Variants in DCC observed in about 807,000 individuals in gnomAD.
DCC encodes DCC netrin 1 receptor.
A neutral mutation model predicts 172.5 loss-of-function variants in DCC; 58 were observed. The ratio of observed to expected loss-of-function variants is 0.34; its 90% confidence interval spans 0.27 to 0.42. The LOEUF is 0.42. Ranked by LOEUF, DCC falls within the 10% of genes least tolerant of loss-of-function variation. DCC has a pLI of 1.00. For missense variants in DCC, 1,740 were observed against 1,791.0 expected, an observed-to-expected ratio of 0.97 and a Z score of 0.51; for synonymous variants, 709 against 644.5, an observed-to-expected ratio of 1.10 and a Z score of -1.52.
chr18:53,061,359 T>G (rs903404738), intron 5 of DCC, among the ~76,000 whole-genome samples: 1 of 152,130 alleles, frequency 6.6e-6, no homozygotes, highest in African/African-American at 2.4e-5. Context: ...TGTGTTTGTA[T>G]ACATACGTAA....
At chr18:53,235,773 T>C (rs2056193171) in intron 12 of DCC, among the ~76,000 whole-genome samples, 1 of 152,140 alleles carries the variant, frequency 6.6e-6, no homozygotes. Flanking sequence ...TAACAATACA[T>C]CGCCGTTCCC....
intron 5 of DCC, among the ~76,000 whole-genome samples, chr18:53,033,721 G>T (rs1180089097): frequency 6.6e-6 from 1 of 152,000 alleles, no homozygotes; most frequent in Non-Finnish European, 1.5e-5. Flanking sequence ...TATCTTAAAA[G>T]AATGCACTTT....
intron 24 of DCC, among the ~76,000 whole-genome samples, chr18:53,464,796 C>A (rs1219713766): frequency 6.6e-6 from 1 of 151,432 alleles, no homozygotes; most frequent in Non-Finnish European, 1.5e-5. Flanking sequence ...GCCTGACCAA[C>A]ATGGAGAAAC....
intron 7 of DCC, among the ~76,000 whole-genome samples, chr18:53,087,954 T>A (rs2042940484): frequency 6.6e-6 from 1 of 152,114 alleles, no homozygotes; most frequent in South Asian, 2.1e-4. Context: ...TCTGTTCCAT[T>A]GATCTATATC....
At chr18:53,282,488 C>G (rs567039539) in intron 12 of DCC, among the ~76,000 whole-genome samples, 1 of 152,082 alleles carries the variant, frequency 6.6e-6, no homozygotes, top group African/African-American at 2.4e-5. Flanking sequence ...ATAATTCATA[C>G]GCAAAGAACC....
chr18:53,370,086 G>C (rs2058044740), intron 15 of DCC, among the ~76,000 whole-genome samples: 1 of 151,592 alleles, frequency 6.6e-6, no homozygotes, highest in Non-Finnish European at 1.5e-5. Context: ...ATGAGGTCCT[G>C]GACTTTTACT....
At chr18:53,279,852 T>C (rs2056850591) in intron 12 of DCC, among the ~76,000 whole-genome samples, 1 of 151,984 alleles carries the variant, frequency 6.6e-6, no homozygotes, top group Admixed American at 6.6e-5. Context: ...CCAAATACTG[T>C]ATATCCTCAC....
chr18:53,272,703 A>G (rs976747861), intron 12 of DCC, among the ~76,000 whole-genome samples: 1 of 152,120 alleles, frequency 6.6e-6, no homozygotes, highest in African/African-American at 2.4e-5. Flanking sequence ...GTAATTTCGT[A>G]TATTTTTCAA....
Position 53,322,098 on chromosome 18 carries a change from A to G in DCC, c.2105A>G (p.Asn702Ser), listed in dbSNP as rs35691189. The G allele has an allele frequency of 4.0e-3, 6,469 of 1,610,312 alleles. 23 individuals are homozygous for G. Among genetic ancestry groups the G allele is most frequent in the Non-Finnish European group, 5.0e-3 (5,941 of 1,176,470 alleles). ...TTCCAGGTGTCAGCCATGACAGTCA[A>G]TGGTACTGGACCACCTTCCAACTGG... ...YSFQVSAMTVNGTGPPSNWYT... is the reference protein window; with the variant it reads ...YSFQVSAMTVSGTGPPSNWYT... Residue 702 changes from asparagine to serine, a missense_variant, in exon 14 of 29, where the codon AAT becomes AGT. Asn to Ser is a conservative substitution (Grantham distance 46). Transcript: ENST00000442544.
intron 2 of DCC, among the ~76,000 whole-genome samples, chr18:52,791,357 C>T (rs553172125): frequency 1.1e-4 from 16 of 152,182 alleles, no homozygotes; most frequent in Non-Finnish European, 2.4e-4. Flanking sequence ...GAAGATGATA[C>T]CCATCTAGAA....
At chr18:52,973,035 C>T (rs755849480) in intron 5 of DCC, among the ~76,000 whole-genome samples, 13 of 152,250 alleles carry the variant, frequency 8.5e-5, no homozygotes, top group Middle Eastern at 6.8e-3. Context: ...ATTCATGTTT[C>T]GACAGACCAC....
intron 1 of DCC, among the ~76,000 whole-genome samples, chr18:52,751,368 C>T (rs1469740279): frequency 2.6e-5 from 4 of 152,084 alleles, no homozygotes; most frequent in Non-Finnish European, 5.9e-5. Flanking sequence ...TTGGTTGATT[C>T]TTTATGTTCA....
intron 7 of DCC, among the ~76,000 whole-genome samples, chr18:53,136,139 G>GTGTGTGTA (rs1290316628): frequency 5.9e-4 from 89 of 151,880 alleles, no homozygotes; most frequent in African/African-American, 2.0e-3. Context: ...AATTGGATGT[G>GTGTGTGTA]TGTGTGTATG....
At chr18:53,493,232 G>A (rs867604467) in intron 26 of DCC, among the ~76,000 whole-genome samples, 5 of 152,302 alleles carry the variant, frequency 3.3e-5, no homozygotes, top group African/African-American at 1.2e-4. Context: ...GGGCTGAGAT[G>A]ATGGGGTTTT....
chr18:52,374,598 A>G (rs1468520822), intron 1 of DCC, among the ~76,000 whole-genome samples: 2 of 152,206 alleles, frequency 1.3e-5, no homozygotes, highest in Non-Finnish European at 2.9e-5. Flanking sequence ...TAGGGCCAAC[A>G]TTAGACTGGC....
intron 7 of DCC, among the ~76,000 whole-genome samples, chr18:53,113,784 G>A (rs1338312432): frequency 1.3e-5 from 2 of 151,038 alleles, no homozygotes; most frequent in South Asian, 2.1e-4. Flanking sequence ...GGTGTTAAAC[G>A]GACTCAATCC....
intron 25 of DCC, among the ~76,000 whole-genome samples, chr18:53,471,545 C>T (rs1035596159): frequency 6.6e-6 from 1 of 152,172 alleles, no homozygotes; most frequent in African/African-American, 2.4e-5. Flanking sequence ...ACCAATTTTA[C>T]TATGTTCTAC....
chr18:52,502,151 T>C (rs1199869998), intron 1 of DCC, among the ~76,000 whole-genome samples: 2 of 152,176 alleles, frequency 1.3e-5, no homozygotes, highest in Admixed American at 6.6e-5. Flanking sequence ...TGTATATAAG[T>C]TTGTATTATA....
chr18:53,022,130 G>A (rs1223309539), intron 5 of DCC, among the ~76,000 whole-genome samples: 1 of 152,066 alleles, frequency 6.6e-6, no homozygotes, highest in East Asian at 1.9e-4. Flanking sequence ...TAATGTATAT[G>A]TTTGAAAATA....
Sources: gnomAD v4.1 joint callset for allele counts (sites outside exome capture counted in the v4.1 genomes callset) on GRCh38, gnomAD v4.1.1 for gene constraint, MANE v1.5 for transcripts, NCBI Gene and HGNC (gene_info 2026-07-23, HGNC 2026-07-21) for gene names.